Variants in COTL1 observed in about 807,000 individuals in gnomAD.
COTL1 encodes the protein coactosin-like protein.
In COTL1, 15 loss-of-function variants were observed where a neutral mutation model predicts 16.5. The observed-to-expected ratio is 0.91, with a 90% CI of 0.61 to 1.40. COTL1 has a LOEUF of 1.40. Among genes scored for constraint, COTL1 ranks in the 40% most tolerant of loss-of-function variants. COTL1 has a pLI of 0.00. For synonymous variants in COTL1, 112 were observed against 85.3 expected (o/e 1.31, Z -1.73); for missense variants, 220 against 201.5 (o/e 1.09, Z -0.56).
intron 2 of COTL1, among the ~76,000 whole-genome samples, chr16:84,612,386 A>T (rs1905350438): frequency 6.6e-6 from 1 of 152,222 alleles, no homozygotes; most frequent in African/African-American, 2.4e-5. Flanking sequence ...TGCCTATTGC[A>T]TACCAGCCTG....
chr16:84,611,864 C>T (rs1170755660), intron 2 of COTL1, among the ~76,000 whole-genome samples: 1 of 152,196 alleles, frequency 6.6e-6, no homozygotes, highest in Non-Finnish European at 1.5e-5. Flanking sequence ...GCCACACATA[C>T]GTGATCTGTA....
At chr16:84,589,130 C>A (rs939805885) in intron 3 of COTL1, among the ~76,000 whole-genome samples, 1 of 152,010 alleles carries the variant, frequency 6.6e-6, no homozygotes, top group Non-Finnish European at 1.5e-5. Flanking sequence ...GCCACCATGC[C>A]TGGCTCATTT....
intron 2 of COTL1, among the ~76,000 whole-genome samples, chr16:84,608,496 A>G (rs993107985): frequency 2.0e-5 from 3 of 152,264 alleles, no homozygotes; most frequent in Non-Finnish European, 4.4e-5. Context: ...AAAGCTATGC[A>G]GCGTGGCTCA....
rs769419641 is a variant in COTL1 at position 84,617,953 on chromosome 16, G to T, written c.-39C>A. 1 of 1,486,546 alleles carries T rather than the reference G, an allele frequency of 6.7e-7. No homozygotes were observed. Among genetic ancestry groups the T allele is most frequent in the South Asian group, 1.3e-5 (1 of 79,022 alleles). The allele number at this position is 1,486,546 out of a possible 1,614,324, so 92.1% of individuals were successfully genotyped here. On this transcript the variant is annotated 5_prime_UTR_variant, in exon 1 of 4. Coordinates refer to ENST00000262428, the MANE Select transcript of COTL1 (RefSeq NM_021149.5). ...CAGCGGGACACTGTCCGGGGCGGCC[G>T]AGCGCGCCCCTGGCCGGCGGCGGGG...
At chr16:84,604,892 T>TTCTAGCCAGAAA (rs1456560360) in intron 2 of COTL1, among the ~76,000 whole-genome samples, 2 of 152,358 alleles carry the variant, frequency 1.3e-5, no homozygotes, top group East Asian at 1.9e-4. Context: ...CAGCGTAGAA[T>TTCTAGCCAGAAA]TCTAGCCAGA....
intron 2 of COTL1, among the ~76,000 whole-genome samples, chr16:84,611,056 T>C (rs1905312889): frequency 6.6e-6 from 1 of 152,214 alleles, no homozygotes; most frequent in South Asian, 2.1e-4. Flanking sequence ...ACAAGCCAGT[T>C]TATCCTTACA....
chr16:84,591,703 G>A (rs576657450), intron 2 of COTL1, among the ~76,000 whole-genome samples: 29 of 143,482 alleles, frequency 2.0e-4, no homozygotes, highest in African/African-American at 6.2e-4. Context: ...GGCACCTGTA[G>A]TCCCAGCTAC....
chr16:84,609,619 G>A (rs1414297612), intron 2 of COTL1, among the ~76,000 whole-genome samples: 1 of 152,176 alleles, frequency 6.6e-6, no homozygotes, highest in Non-Finnish European at 1.5e-5. Context: ...ATCTGATATG[G>A]TTTGGCTCTG....
Position 84,566,671 on chromosome 16 carries a change from G to T in COTL1, c.*174C>A. 1 of 567,174 alleles carries T rather than the reference G, an allele frequency of 1.8e-6. No individual in the cohort carries two copies. The allele number at this position is 567,174 out of a possible 1,614,324, so 35.1% of individuals were successfully genotyped here. On this transcript the variant is annotated 3_prime_UTR_variant, in exon 4 of 4. Transcript: ENST00000262428. ...GAGCGTCATGAGATAGGACACGGCA[G>T]GGTTCTAAGGGAAGCGGGAAGGTGG...
At chr16:84,600,722 G>T (rs1423193630) in intron 2 of COTL1, among the ~76,000 whole-genome samples, 1 of 152,200 alleles carries the variant, frequency 6.6e-6, no homozygotes, top group Non-Finnish European at 1.5e-5. Context: ...CCACGCAGGA[G>T]ACTCCTCAAA....
intron 2 of COTL1, among the ~76,000 whole-genome samples, chr16:84,609,299 T>C (rs1905273297): frequency 6.6e-6 from 1 of 152,320 alleles, no homozygotes; most frequent in African/African-American, 2.4e-5. Flanking sequence ...CAGTTTTCCG[T>C]AGGAACCACC....
chr16:84,569,567 T>C lies in COTL1; in HGVS notation c.319-2612A>G, dbSNP rs117421136. On this transcript the variant is annotated intron_variant, in intron 3 of 3. Transcript: ENST00000262428. ...TGTGTGCCAGGAACAGCCTCACTCA[T>C]GTTCTCGTTCAGCCCTCAGTATATT... Among the ~76,000 whole-genome samples the C allele has an allele frequency of 5.5e-3, 837 of 152,270 alleles. 10 individuals are homozygous for C. The highest frequency in any genetic ancestry group is 0.024 in the Middle Eastern group (7 of 294).
intron 2 of COTL1, among the ~76,000 whole-genome samples, chr16:84,599,367 C>A (rs1185667681): frequency 1.3e-5 from 2 of 152,138 alleles, no homozygotes; most frequent in Non-Finnish European, 2.9e-5. Context: ...AACCTTTTTT[C>A]ATTACAAAAA....
intron 3 of COTL1, among the ~76,000 whole-genome samples, chr16:84,586,294 A>C (rs1172906305): frequency 6.6e-6 from 1 of 152,196 alleles, no homozygotes; most frequent in Non-Finnish European, 1.5e-5. Flanking sequence ...TTTGTGCTTC[A>C]ACTTACTTGA....
intron 2 of COTL1, among the ~76,000 whole-genome samples, chr16:84,615,546 G>A (rs919699174): frequency 6.6e-6 from 1 of 152,170 alleles, no homozygotes; most frequent in African/African-American, 2.4e-5. Context: ...GTGACCAGCG[G>A]GAGGAAAGAA....
intron 2 of COTL1, chr16:84,595,213 G>A (rs1341805560): frequency 6.6e-6 from 1 of 152,384 alleles, no homozygotes; most frequent in African/African-American, 2.4e-5. Flanking sequence ...TGGGGGAGCG[G>A]GGTAAAGAGG....
At chr16:84,585,392 C>T (rs1469967816) in intron 3 of COTL1, among the ~76,000 whole-genome samples, 1 of 151,176 alleles carries the variant, frequency 6.6e-6, no homozygotes, top group Non-Finnish European at 1.5e-5. Context: ...GATTCAAGTT[C>T]CTCCACATCA....
chr16:84,581,211 C>G (rs1487879641), intron 3 of COTL1, among the ~76,000 whole-genome samples: 2 of 97,386 alleles, frequency 2.1e-5, no homozygotes, highest in African/African-American at 9.8e-5. Flanking sequence ...ACAAGAAGTG[C>G]CCCCGGCCTG....
At chr16:84,610,513 A>G (rs1251327741) in intron 2 of COTL1, among the ~76,000 whole-genome samples, 3 of 151,984 alleles carry the variant, frequency 2.0e-5, no homozygotes, top group Admixed American at 6.6e-5. Context: ...AGATAAAAAG[A>G]CTCTTTACCA....
Sources: allele counts gnomAD v4.1 joint callset (sites outside exome capture counted in the v4.1 genomes callset), GRCh38; gene constraint gnomAD v4.1.1; transcripts MANE v1.5; gene names NCBI Gene and HGNC (gene_info 2026-07-23, HGNC 2026-07-21).